The following FILIP1L variants were observed in gnomAD, a reference collection of about 807,000 sequenced individuals.
The protein encoded by FILIP1L is filamin A interacting protein 1 like.
Under a neutral mutation model 96.6 loss-of-function variants are expected in FILIP1L, and 55 were observed. That is an observed-to-expected ratio of 0.57 (90% confidence interval 0.46 to 0.71). FILIP1L has a LOEUF of 0.71. Ranked by LOEUF, FILIP1L falls within the 30% of genes least tolerant of loss-of-function variation. FILIP1L has a pLI of 0.00. For missense variants in FILIP1L, 1,304 were observed against 1,321.2 expected, an observed-to-expected ratio of 0.99 and a Z score of 0.20; for synonymous variants, 467 against 473.9, an observed-to-expected ratio of 0.99 and a Z score of 0.19.
At chr3:99,976,292 C>T (rs981634491) in intron 1 of FILIP1L, among the ~76,000 whole-genome samples, 5 of 152,188 alleles carry the variant, frequency 3.3e-5, no homozygotes, top group East Asian at 1.9e-4. Flanking sequence ...CCATATGCTA[C>T]GCGTTCCTGC....
At chr3:99,905,322 C>T (rs969544868) in intron 4 of FILIP1L, among the ~76,000 whole-genome samples, 5 of 152,172 alleles carry the variant, frequency 3.3e-5, no homozygotes, top group Admixed American at 3.3e-4. Flanking sequence ...TGTGCACTTA[C>T]TCCTAGATAT....
intron 1 of FILIP1L, among the ~76,000 whole-genome samples, chr3:100,057,199 A>T (rs1342117761): frequency 6.6e-6 from 1 of 152,148 alleles, no homozygotes; most frequent in Non-Finnish European, 1.5e-5. Flanking sequence ...CTGCCCCTCC[A>T]GTGGACTAGG....
chr3:100,018,267 A>T (rs1442405848), intron 1 of FILIP1L, among the ~76,000 whole-genome samples: 1 of 152,212 alleles, frequency 6.6e-6, no homozygotes, highest in African/African-American at 2.4e-5. Context: ...CAGAGGTTAC[A>T]GTGAGCTGAG....
intron 1 of FILIP1L, among the ~76,000 whole-genome samples, chr3:99,961,339 T>A (rs1419395619): frequency 6.6e-6 from 1 of 152,324 alleles, no homozygotes; most frequent in East Asian, 1.9e-4. Context: ...ACCCCAATAC[T>A]CCATGGGGTG....
At chr3:99,936,594 T>TTGATCTTGACCTTGTGATC (rs1707683130) in intron 1 of FILIP1L, among the ~76,000 whole-genome samples, 1 of 141,356 alleles carries the variant, frequency 7.1e-6, no homozygotes, top group South Asian at 2.3e-4. Flanking sequence ...CAGGATGGTC[T>TTGATCTTGACCTTGTGATC]TGATCTTGAC....
intron 3 of FILIP1L, among the ~76,000 whole-genome samples, chr3:99,927,473 G>A (rs545382207): frequency 9.2e-5 from 14 of 151,618 alleles, no homozygotes; most frequent in Admixed American, 3.9e-4. Context: ...GGGTTCAAGC[G>A]ATTCACCTGC....
At chr3:100,078,566 C>G (rs965304809) in intron 1 of FILIP1L, among the ~76,000 whole-genome samples, 1 of 151,858 alleles carries the variant, frequency 6.6e-6, no homozygotes, top group Admixed American at 6.6e-5. Flanking sequence ...TAAAATACAC[C>G]AACACTAGCG....
rs1373428171 is a variant in FILIP1L at position 99,850,789 on chromosome 3, T to A, written c.887A>T (p.Gln296Leu). The change falls in exon 5 of 6, where the codon CAA (glutamine) becomes CTA (leucine). Residue 296 changes from glutamine (Q) to leucine (L), a missense_variant. Coordinates refer to ENST00000477258, the MANE Select transcript of FILIP1L (RefSeq NM_001387850.1). ...TTGGTGAAACTTTGTGGTCTGCGTT[T>A]GCAGTTCCTTCTCTAGTCTGGTTGC... ...QKATRLEKEL[Q>L]TQTTKFHQDQ... 3.7e-6 allele frequency: 6 copies of A among 1,614,232 alleles called. No homozygotes were observed. Among genetic ancestry groups the A allele is most frequent in the Non-Finnish European group, 4.2e-6 (5 of 1,180,038 alleles).
At chr3:99,971,592 T>G (rs1708824232) in intron 1 of FILIP1L, among the ~76,000 whole-genome samples, 1 of 152,164 alleles carries the variant, frequency 6.6e-6, no homozygotes, top group African/African-American at 2.4e-5. Context: ...TCCATCAGCT[T>G]TTGTCTTGTA....
chr3:100,063,345 A>G (rs1433446337), intron 1 of FILIP1L, among the ~76,000 whole-genome samples: 1 of 152,198 alleles, frequency 6.6e-6, no homozygotes, highest in Non-Finnish European at 1.5e-5. Context: ...GATCTCAACC[A>G]ACCATTAAAG....
At chr3:99,915,691 C>G (rs537243920) in intron 4 of FILIP1L, among the ~76,000 whole-genome samples, 26 of 151,498 alleles carry the variant, frequency 1.7e-4, no homozygotes, top group Non-Finnish European at 3.8e-4. Flanking sequence ...AGTGTTAGAT[C>G]ATTAGGACAT....
chr3:100,041,775 T>G (rs1436559510), intron 1 of FILIP1L, among the ~76,000 whole-genome samples: 1 of 152,194 alleles, frequency 6.6e-6, no homozygotes, highest in Non-Finnish European at 1.5e-5. Flanking sequence ...AGAGATCTTT[T>G]AAACAGTAAA....
intron 4 of FILIP1L, among the ~76,000 whole-genome samples, chr3:99,913,612 G>T (rs532187838): frequency 6.6e-6 from 1 of 152,114 alleles, no homozygotes; most frequent in African/African-American, 2.4e-5. Context: ...AATAGAAAAA[G>T]TATTGTATGA....
At chr3:99,994,042 G>A (rs954223085) in intron 1 of FILIP1L, among the ~76,000 whole-genome samples, 2 of 152,054 alleles carry the variant, frequency 1.3e-5, no homozygotes, top group Admixed American at 6.5e-5. Context: ...CAGGAGTATT[G>A]GATTTTGTTC....
In FILIP1L at chr3:99,848,449, C is replaced by G. The variant is rs767218439; in HGVS notation, c.3227G>C (p.Ser1076Thr). The G allele has an allele frequency of 6.2e-7, 1 of 1,614,146 alleles. No individual in the cohort carries two copies. The highest frequency in any genetic ancestry group is 8.5e-7 in the Non-Finnish European group (1 of 1,180,012). ...TGAAGGGCTGGCAGGTCTCACAGGG[C>G]TGGCTACAGCTTGCATGTAAGGACT... ...LGSPYMQAVA[S>T]PVRPASPSAP... The change falls in exon 5 of 6, where the codon AGC (serine) becomes ACC (threonine). Residue 1076 changes from serine to threonine, a missense_variant. Transcript: ENST00000477258.
At chr3:100,033,353 A>G (rs1331922536) in intron 1 of FILIP1L, among the ~76,000 whole-genome samples, 1 of 152,182 alleles carries the variant, frequency 6.6e-6, no homozygotes, top group East Asian at 1.9e-4. Flanking sequence ...GCCAATGGAA[A>G]ACCCACAAGC....
intron 1 of FILIP1L, among the ~76,000 whole-genome samples, chr3:100,023,038 GGT>G (rs2064854326): frequency 6.6e-6 from 1 of 152,086 alleles, no homozygotes; most frequent in Admixed American, 6.6e-5. Context: ...ATGAGTTTCA[GGT>G]GTTTTAACCA....
rs180957038 is a variant in FILIP1L, at chr3:99,870,002, T to C, written c.606-18932A>G. Among the ~76,000 whole-genome samples, 3 of 152,312 alleles carry C rather than the reference T, an allele frequency of 2.0e-5. No individual in the cohort carries two copies. In the East Asian group the frequency reaches 5.8e-4, roughly 29 times the overall value. ...CTTTTCTCCATTTACATGTGGACTC[T>C]TTCCCTCAAATTACCCTCATTTTCT... On this transcript the variant is annotated intron_variant, in intron 4 of 5. Coordinates refer to ENST00000477258, the MANE Select transcript of FILIP1L (RefSeq NM_001387850.1).
intron 1 of FILIP1L, among the ~76,000 whole-genome samples, chr3:100,024,854 C>T (rs1190649771): frequency 6.6e-6 from 1 of 152,112 alleles, no homozygotes; most frequent in Non-Finnish European, 1.5e-5. Context: ...AGGTCAGAAA[C>T]ATTCGTAGCC....
Sources: gnomAD v4.1 joint callset for allele counts (sites outside exome capture counted in the v4.1 genomes callset) on GRCh38, gnomAD v4.1.1 for gene constraint, MANE v1.5 for transcripts, NCBI Gene and HGNC (gene_info 2026-07-23, HGNC 2026-07-21) for gene names.